Variants in FNDC3A observed in about 807,000 individuals in gnomAD.
FNDC3A encodes fibronectin type-III domain-containing protein 3A.
A neutral mutation model predicts 148.9 loss-of-function variants in FNDC3A; 32 were observed. That is an observed-to-expected ratio of 0.21 (90% CI 0.16 to 0.29). The LOEUF (loss-of-function observed/expected upper bound fraction) is 0.29, where lower values mean the gene tolerates loss of function less well. Ranked by LOEUF, FNDC3A falls within the 10% of genes least tolerant of loss-of-function variation. The pLI is 1.00. For synonymous variants in FNDC3A, 472 were observed against 473.6 expected (o/e 1.00, Z 0.04); for missense variants, 1,191 against 1,452.8 (o/e 0.82, Z 2.93).
intron 2 of FNDC3A, among the ~76,000 whole-genome samples, chr13:49,073,020 A>G (rs973709169): frequency 6.6e-6 from 1 of 152,166 alleles, no homozygotes; most frequent in East Asian, 1.9e-4. Context: ...TTTATTTCAC[A>G]CTTACAGCGC....
At chr13:49,015,594 C>T (rs1952480321) in intron 2 of FNDC3A, among the ~76,000 whole-genome samples, 1 of 152,116 alleles carries the variant, frequency 6.6e-6, no homozygotes, top group African/African-American at 2.4e-5. Flanking sequence ...CCTTTATTTC[C>T]TTCTCCTGCC....
intron 2 of FNDC3A, among the ~76,000 whole-genome samples, chr13:49,012,805 ATGTGTG>A (rs61137549): frequency 2.6e-3 from 345 of 134,606 alleles, no homozygotes; most frequent in African/African-American, 8.5e-3. Context: ...GCAATTATAA[ATGTGTG>A]TGTGTGTGTG....
intron 7 of FNDC3A, among the ~76,000 whole-genome samples, chr13:49,144,718 C>T (rs1882894019): frequency 1.3e-5 from 2 of 151,986 alleles, no homozygotes; most frequent in South Asian, 2.1e-4. Context: ...TTTTCTGTCA[C>T]AACTTTCTCT....
intron 3 of FNDC3A, among the ~76,000 whole-genome samples, chr13:49,076,524 C>T (rs760147045): frequency 1.6e-4 from 24 of 151,906 alleles, no homozygotes; most frequent in African/African-American, 4.6e-4. Context: ...GGATTACAGA[C>T]GTGAGCCTCT....
chr13:49,144,289 A>G (rs1882869332), intron 7 of FNDC3A, among the ~76,000 whole-genome samples: 1 of 152,190 alleles, frequency 6.6e-6, no homozygotes. Flanking sequence ...TAAATGAAAC[A>G]CAGTACCAAG....
At chr13:49,134,767 A>C (rs34360275) in intron 5 of FNDC3A, among the ~76,000 whole-genome samples, 7 of 103,036 alleles carry the variant, frequency 6.8e-5, no homozygotes, top group Admixed American at 5.2e-4. Context: ...TCATCTTTTC[A>C]TGTGCTTATT....
chr13:49,008,142 A>G (rs1335457130), intron 2 of FNDC3A, among the ~76,000 whole-genome samples: 1 of 152,168 alleles, frequency 6.6e-6, no homozygotes, highest in African/African-American at 2.4e-5. Flanking sequence ...AGACTGAAGA[A>G]ACTTTAGATA....
At chr13:49,076,838 ATTGT>A (rs1194019213) in intron 3 of FNDC3A, among the ~76,000 whole-genome samples, 1 of 152,212 alleles carries the variant, frequency 6.6e-6, no homozygotes, top group Admixed American at 6.5e-5. Context: ...TAAATTTTGT[ATTGT>A]TTAACATAAA....
At chr13:49,146,082 T>C in intron 8 of FNDC3A, 147 bp downstream of exon 8, 1 of 592,064 alleles carries the variant, frequency 1.7e-6, no homozygotes, top group Non-Finnish European at 2.9e-6. Context: ...TCAATGTAAA[T>C]GGTCCAAATG....
intron 3 of FNDC3A, among the ~76,000 whole-genome samples, chr13:49,082,776 A>G (rs1206731342): frequency 6.6e-6 from 1 of 152,066 alleles, no homozygotes; most frequent in Non-Finnish European, 1.5e-5. Flanking sequence ...TCACACAAGA[A>G]GGCAGCCTGG....
intron 2 of FNDC3A, among the ~76,000 whole-genome samples, chr13:49,053,205 A>G (rs112697578): frequency 6.3e-4 from 96 of 152,310 alleles, no homozygotes; most frequent in African/African-American, 1.9e-3. Flanking sequence ...GGGAGCCTGC[A>G]GTGGTGATAC....
At chr13:49,064,399 C>A (rs1228851764) in intron 2 of FNDC3A, among the ~76,000 whole-genome samples, 2 of 16,212 alleles carry the variant, frequency 1.2e-4, no homozygotes, top group Non-Finnish European at 1.7e-4. Context: ...ATATTGCCCC[C>A]CGCCCCCCCC....
At chr13:49,089,489 AAG>A (rs1225516059) in intron 3 of FNDC3A, among the ~76,000 whole-genome samples, 1 of 152,244 alleles carries the variant, frequency 6.6e-6, no homozygotes, top group African/African-American at 2.4e-5. Context: ...TCCTTATGAA[AAG>A]AGGGCCTTTC....
chr13:49,123,496 C>T (rs1343771022), intron 4 of FNDC3A, among the ~76,000 whole-genome samples: 3 of 151,896 alleles, frequency 2.0e-5, no homozygotes, highest in South Asian at 2.1e-4. Context: ...AATTGACAAA[C>T]GAGATCTAAT....
intron 2 of FNDC3A, among the ~76,000 whole-genome samples, chr13:49,033,112 A>G (rs1043322162): frequency 2.0e-5 from 3 of 152,172 alleles, no homozygotes; most frequent in African/African-American, 7.2e-5. Context: ...TTATATATAC[A>G]TATATATAAA....
At position 49,197,079 on chromosome 13, in the gene FNDC3A, G is replaced by A. The variant is rs113635555; in HGVS notation, c.2340+89G>A. The A allele has an allele frequency of 1.6e-4, 119 of 751,510 alleles. No homozygotes were observed. In the Middle Eastern group the frequency reaches 2.0e-3, roughly 12 times the overall value. The allele number at this position is 751,510 out of a possible 1,614,324, so 46.6% of individuals were successfully genotyped here. A position where few individuals can be genotyped will look rare whatever the true frequency, so the allele number is the denominator to read the frequency against. Reference sequence around the variant, plus strand: ...AATAAAGATACTGTTCATTTTTACCGCCTATATTATACAGAGTAAGCCCTA... The same window carrying A: ...AATAAAGATACTGTTCATTTTTACCACCTATATTATACAGAGTAAGCCCTA... On this transcript the variant is annotated intron_variant, in intron 20 of 25. Transcript: ENST00000492622.
chr13:49,204,736 T>C (rs1253575474), intron 25 of FNDC3A, among the ~76,000 whole-genome samples: 2 of 150,784 alleles, frequency 1.3e-5, no homozygotes, highest in Non-Finnish European at 3.0e-5. Flanking sequence ...GTATAAACCT[T>C]CTGAAATTAG....
Position 49,207,358 on chromosome 13 carries a change from T to C in FNDC3A, c.3560T>C (p.Leu1187Ser). 1 of 1,612,434 alleles carries C rather than the reference T, an allele frequency of 6.2e-7. No individual in the cohort carries two copies. The highest frequency in any genetic ancestry group is 8.5e-7 in the Non-Finnish European group (1 of 1,178,454). ...ILVLFAFFSI[L>S]IAFIIQYFVI... is the part of the protein sequence containing the mutation. ...GTGCTGTTTGCTTTCTTTTCCATTT[T>C]GATTGCCTTTATCATTCAGTACTTT... The change falls in exon 26 of 26, where the codon TTG (leucine) becomes TCG (serine). Residue 1187 changes from leucine (L) to serine (S), a missense_variant. Transcript: ENST00000492622.
At chr13:49,159,164 A>T (rs532141637) in intron 8 of FNDC3A, among the ~76,000 whole-genome samples, 14 of 152,268 alleles carry the variant, frequency 9.2e-5, no homozygotes, top group South Asian at 2.1e-4. Context: ...AAGAAAGTCA[A>T]TGGTAGCTTG....
Sources: allele counts gnomAD v4.1 joint callset (sites outside exome capture counted in the v4.1 genomes callset), GRCh38; gene constraint gnomAD v4.1.1; transcripts MANE v1.5; gene names NCBI Gene and HGNC (gene_info 2026-07-23, HGNC 2026-07-21).